CDC42: variants seen among roughly 807,000 people sequenced by gnomAD.
The protein encoded by CDC42 is cell division control protein 42 homolog.
CDC42 carries 1 observed loss-of-function variant against 20.8 expected under a neutral mutation model. The ratio of observed to expected loss-of-function variants is 0.05; its 90% CI spans 0.02 to 0.23. The LOEUF is 0.23. CDC42 is among the 10% of genes least tolerant of loss of function. The pLI is 1.00. For synonymous variants in CDC42, 72 were observed against 84.8 expected, an observed-to-expected ratio of 0.85 and a Z score of 0.83; for missense variants, 49 against 227.9, an observed-to-expected ratio of 0.21 and a Z score of 5.05.
intron 1 of CDC42, chr1:22,068,729 C>G (rs1339293225): frequency 1.3e-5 from 2 of 152,294 alleles, no homozygotes; most frequent in Non-Finnish European, 2.9e-5. Flanking sequence ...TATTTTCTTC[C>G]TCTTCTAGTC....
chr1:22,096,064 A>T lies in CDC42; in HGVS notation c.*4547A>T, dbSNP rs1370052258. 1.3e-5 allele frequency among the ~76,000 whole-genome samples: 2 copies of T among 152,034 alleles called. No individual in the cohort carries two copies. The highest frequency in any genetic ancestry group is 6.5e-5 in the Admixed American group (1 of 15,278). ...AACCTCCACCTCCCAGGTTCACATG[A>T]TTCTCCTGCCTCAGCCTCCTGAGTA... On this transcript the variant is annotated 3_prime_UTR_variant, in exon 6 of 6. Transcript: ENST00000656825.
chr1:22,081,468 C>T (rs1645606888), intron 2 of CDC42, among the ~76,000 whole-genome samples: 1 of 152,210 alleles, frequency 6.6e-6, no homozygotes, highest in Non-Finnish European at 1.5e-5. Flanking sequence ...CCTGTGACAC[C>T]TCTAAACCTT....
chr1:22,072,764 C>T (rs1645506325), intron 1 of CDC42, among the ~76,000 whole-genome samples: 1 of 152,136 alleles, frequency 6.6e-6, no homozygotes, highest in Non-Finnish European at 1.5e-5. Flanking sequence ...ACAAGAGACA[C>T]TCAGCACTCA....
intron 5 of CDC42, among the ~76,000 whole-genome samples, chr1:22,088,243 A>G (rs534285183): frequency 6.6e-6 from 1 of 152,286 alleles, no homozygotes; most frequent in South Asian, 2.1e-4. Flanking sequence ...TCCATGTTAG[A>G]CACTAATTCT....
intron 5 of CDC42, chr1:22,090,837 T>C: frequency 3.1e-6 from 3 of 983,030 alleles, no homozygotes; most frequent in Non-Finnish European, 3.6e-6. Flanking sequence ...CCTGTTGCAC[T>C]GACTGGCTCT....
At chr1:22,089,956 A>G in intron 5 of CDC42, 1 of 1,613,946 alleles carries the variant, frequency 6.2e-7, no homozygotes, top group Non-Finnish European at 8.5e-7. Flanking sequence ...GGTCTGAAGA[A>G]TGTGTTTGAT....
rs550505063 is a variant in CDC42, at chr1:22,055,704, A to C, written c.-51+2962A>C. ...GGGTTTCCTCATGTTGTCCAGGCTG[A>C]TCTGGAATGCCTGAACTCAAGCTAT... On this transcript the variant is annotated intron_variant, in intron 1 of 5. Transcript: ENST00000656825. 1.2e-4 allele frequency among the ~76,000 whole-genome samples: 18 copies of C among 151,986 alleles called. No homozygotes were observed. In the South Asian group the frequency reaches 3.7e-3, roughly 32 times the overall value.
Position 22,091,691 on chromosome 1 carries a change from C to T in CDC42, c.*174C>T. On this transcript the variant is annotated 3_prime_UTR_variant, in exon 6 of 6. Transcript: ENST00000656825. ...GGCCCATAGGTATGGCCCCCCCCTT[C>T]CCCCTCCCAGTACTAGTTAATTTTG... 1 of 406,490 alleles carries T rather than the reference C, an allele frequency of 2.5e-6. No individual in the cohort carries two copies. The highest frequency in any genetic ancestry group is 7.7e-5 in the South Asian group (1 of 12,908). The allele number at this position is 406,490 out of a possible 1,614,324, so 25.2% of individuals were successfully genotyped here.
intron 1 of CDC42, among the ~76,000 whole-genome samples, chr1:22,076,667 G>A (rs1645554404): frequency 6.6e-6 from 1 of 152,158 alleles, no homozygotes; most frequent in Non-Finnish European, 1.5e-5. Flanking sequence ...AGTAAATGCT[G>A]TATGAGTGTT....
In CDC42 at chr1:22,097,317, C is replaced by T. The variant is rs1268301845; in HGVS notation, c.*5800C>T. On this transcript the variant is annotated 3_prime_UTR_variant, in exon 6 of 6. Coordinates refer to ENST00000656825, the MANE Select transcript of CDC42 (RefSeq NM_001791.4). ...TGTCGCCCAGGCTGGAGTGCAGTGGCGTGATCTCGGCTTGCTGCAATCTCT... is the reference window on the plus strand; with the variant it reads ...TGTCGCCCAGGCTGGAGTGCAGTGGTGTGATCTCGGCTTGCTGCAATCTCT... Among the ~76,000 whole-genome samples the T allele has an allele frequency of 1.3e-5, 2 of 152,276 alleles. No homozygotes were observed. The highest frequency in any genetic ancestry group is 1.9e-4 in the East Asian group (1 of 5,188).
At chr1:22,085,861 T>C (rs1645656340) in intron 3 of CDC42, among the ~76,000 whole-genome samples, 1 of 152,188 alleles carries the variant, frequency 6.6e-6, no homozygotes, top group Non-Finnish European at 1.5e-5. Flanking sequence ...CTTTACCATA[T>C]CTGAGATGGA....
At chr1:22,064,459 T>G (rs758307377) in intron 1 of CDC42, among the ~76,000 whole-genome samples, 6 of 151,598 alleles carry the variant, frequency 4.0e-5, no homozygotes, top group Non-Finnish European at 5.9e-5. Flanking sequence ...TGCCTGCTAA[T>G]TTTTGTATTT....
intron 1 of CDC42, among the ~76,000 whole-genome samples, chr1:22,072,223 G>A (rs921690581): frequency 6.5e-4 from 96 of 147,232 alleles, no homozygotes; most frequent in African/African-American, 2.3e-3. Flanking sequence ...TCAGCCTCCC[G>A]AGTAGCTGGA....
intron 1 of CDC42, among the ~76,000 whole-genome samples, chr1:22,077,778 A>G (rs1645567085): frequency 6.6e-6 from 1 of 152,264 alleles, no homozygotes; most frequent in African/African-American, 2.4e-5. Context: ...GAGAAGCTAT[A>G]GTATCTGTTT....
chr1:22,056,794 A>G (rs1311669472), intron 1 of CDC42, among the ~76,000 whole-genome samples: 1 of 152,280 alleles, frequency 6.6e-6, no homozygotes, highest in East Asian at 1.9e-4. Context: ...ATTTGGCATT[A>G]GCCATTATAC....
At chr1:22,070,369 T>A (rs1645471861) in intron 1 of CDC42, among the ~76,000 whole-genome samples, 1 of 151,980 alleles carries the variant, frequency 6.6e-6, no homozygotes, top group Non-Finnish European at 1.5e-5. Context: ...CATAGCCTGT[T>A]TAAAGGTATT....
rs568506258 is a variant in CDC42, at chr1:22,097,477, G to A, written c.*5960G>A. On this transcript the variant is annotated 3_prime_UTR_variant, in exon 6 of 6. Transcript: ENST00000656825. The stretch of plus-strand genomic sequence containing the variant: ...GGCTGGTCTTGAACTCCTGACCTCA[G>A]GTGATCCGCCCGTTGCGGCCTCCCT... Among the ~76,000 whole-genome samples the A allele has an allele frequency of 2.6e-5, 4 of 152,082 alleles. No homozygotes were observed. Among genetic ancestry groups the A allele is most frequent in the Non-Finnish European group, 5.9e-5 (4 of 68,004 alleles).
chr1:22,060,486 G>C (rs929418090), intron 1 of CDC42, among the ~76,000 whole-genome samples: 7 of 152,152 alleles, frequency 4.6e-5, no homozygotes, highest in Non-Finnish European at 1.0e-4. Context: ...TAGTGTTAAG[G>C]GGTATGAGAA....
chr1:22,097,179 G>T lies in CDC42; in HGVS notation c.*5662G>T, dbSNP rs1417523752. On this transcript the variant is annotated 3_prime_UTR_variant, in exon 6 of 6. Transcript: ENST00000656825. ...CAGCTGTATGGTAGCAGAGCTGGGC[G>T]TGAAACCTGCATTCCTGGCCTCTCC... 1.3e-5 allele frequency among the ~76,000 whole-genome samples: 2 copies of T among 152,224 alleles called. No individual in the cohort carries two copies. Among genetic ancestry groups the T allele is most frequent in the Non-Finnish European group, 2.9e-5 (2 of 68,036 alleles).
Sources: allele counts gnomAD v4.1 joint callset (sites outside exome capture counted in the v4.1 genomes callset), GRCh38; gene constraint gnomAD v4.1.1; transcripts MANE v1.5; gene names NCBI Gene and HGNC (gene_info 2026-07-23, HGNC 2026-07-21).